The following CDH18 variants were observed in gnomAD, a reference collection of about 807,000 sequenced individuals.
The protein encoded by CDH18 is cadherin 18.
CDH18 carries 31 observed loss-of-function variants against 67.9 expected under a neutral mutation model. The ratio of observed to expected loss-of-function variants is 0.46; its 90% CI spans 0.34 to 0.62. The LOEUF is 0.62. Among genes scored for constraint, CDH18 ranks in the 20% least tolerant of loss-of-function variants. The pLI, the probability that CDH18 is intolerant of heterozygous loss-of-function variation, is 0.01. For synonymous variants in CDH18, 362 were observed against 347.2 expected (o/e 1.04, Z -0.48); for missense variants, 890 against 975.5 (o/e 0.91, Z 1.17).
At position 20,012,372 on chromosome 5, in the gene CDH18, C is replaced by CAAA. The variant is rs374226366; in HGVS notation, c.-517-20361_-517-20359dup. ...AGTCTAGCTATTTTATTATCTTGTT[C>CAAA]AAAAAAAAAAAAAAAAAAACACCAG... On this transcript the variant is annotated intron_variant, in intron 2 of 14. Coordinates refer to the CDH18 transcript ENST00000507958. Among the ~76,000 whole-genome samples the CAAA allele has an allele frequency of 4.5e-3, 517 of 116,008 alleles. 13 individuals are homozygous for CAAA. The highest frequency in any genetic ancestry group is 8.9e-3 in the Middle Eastern group (2 of 224). The allele number at this position is 116,008 out of a possible 152,430, so 76.1% of individuals were successfully genotyped here.
At chr5:20,177,393 T>C (rs959868494) in intron 2 of CDH18, among the ~76,000 whole-genome samples, 1 of 152,184 alleles carries the variant, frequency 6.6e-6, no homozygotes, top group Non-Finnish European at 1.5e-5. Context: ...ATTTAGTTCC[T>C]TTCTATATGA....
chr5:20,314,522 A>G (rs1011892225), intron 1 of CDH18, among the ~76,000 whole-genome samples: 1 of 152,054 alleles, frequency 6.6e-6, no homozygotes, highest in Non-Finnish European at 1.5e-5. Flanking sequence ...TGAAAGAACT[A>G]ACTACTTTGG....
At chr5:19,535,758 T>C (rs532017607) in intron 9 of CDH18, among the ~76,000 whole-genome samples, 5 of 152,188 alleles carry the variant, frequency 3.3e-5, no homozygotes, top group Non-Finnish European at 7.4e-5. Flanking sequence ...GTATACAATA[T>C]GCAATTTTTG....
intron 2 of CDH18, among the ~76,000 whole-genome samples, chr5:20,100,956 A>AT (rs1392873504): frequency 6.6e-6 from 1 of 152,084 alleles, no homozygotes; most frequent in South Asian, 2.1e-4. Flanking sequence ...AATCTGAGGA[A>AT]TTTTTTTCCT....
At chr5:19,774,787 T>C (rs1774133975) in intron 3 of CDH18, among the ~76,000 whole-genome samples, 1 of 100,264 alleles carries the variant, frequency 1.0e-5, no homozygotes, top group Non-Finnish European at 1.9e-5. Context: ...ACAGCCTGAG[T>C]GACAGAGCAA....
At chr5:20,380,606 A>C (rs1743832552) in intron 1 of CDH18, among the ~76,000 whole-genome samples, 1 of 152,168 alleles carries the variant, frequency 6.6e-6, no homozygotes, top group Non-Finnish European at 1.5e-5. Context: ...TTAGGCACAC[A>C]ACAGATAGGT....
chr5:20,199,360 G>T (rs1270385105), intron 2 of CDH18, among the ~76,000 whole-genome samples: 1 of 152,196 alleles, frequency 6.6e-6, no homozygotes, highest in Non-Finnish European at 1.5e-5. Flanking sequence ...TAATGTTTTG[G>T]AAGTTTAGGG....
chr5:19,840,360 G>A (rs1245402207), intron 2 of CDH18, among the ~76,000 whole-genome samples: 2 of 150,992 alleles, frequency 1.3e-5, no homozygotes, highest in African/African-American at 2.4e-5. Flanking sequence ...AGTAAAACAC[G>A]AAAAACATTT....
intron 5 of CDH18, among the ~76,000 whole-genome samples, chr5:19,695,530 G>A (rs1228768827): frequency 1.3e-5 from 2 of 151,738 alleles, no homozygotes; most frequent in South Asian, 2.1e-4. Flanking sequence ...GTTTTTTTTC[G>A]CTTGACATAC....
At chr5:19,880,890 T>G (rs1787571231) in intron 2 of CDH18, among the ~76,000 whole-genome samples, 1 of 152,196 alleles carries the variant, frequency 6.6e-6, no homozygotes. Flanking sequence ...GTCACTTATC[T>G]ATTGTTAATC....
intron 2 of CDH18, among the ~76,000 whole-genome samples, chr5:20,202,232 G>C (rs921863229): frequency 6.6e-6 from 1 of 152,120 alleles, no homozygotes; most frequent in East Asian, 1.9e-4. Context: ...AGGGACACCT[G>C]TAAAAAACTT....
At chr5:19,809,537 A>T (rs1466068019) in intron 3 of CDH18, among the ~76,000 whole-genome samples, 1 of 149,608 alleles carries the variant, frequency 6.7e-6, no homozygotes, top group Non-Finnish European at 1.5e-5. Context: ...ATAAAAAAAA[A>T]TTAGACTATA....
At chr5:20,056,847 C>T (rs1414955087) in intron 2 of CDH18, among the ~76,000 whole-genome samples, 1 of 151,640 alleles carries the variant, frequency 6.6e-6, no homozygotes. Context: ...CCACGCCCGG[C>T]TAATTTCTTT....
chr5:20,314,125 G>A (rs959025677), intron 1 of CDH18, among the ~76,000 whole-genome samples: 3 of 151,862 alleles, frequency 2.0e-5, no homozygotes, highest in African/African-American at 7.2e-5. Flanking sequence ...AAAACCATAG[G>A]TGTCATATAT....
At chr5:19,985,605 T>C (rs922251736) in intron 1 of CDH18, among the ~76,000 whole-genome samples, 1 of 151,988 alleles carries the variant, frequency 6.6e-6, no homozygotes, top group Admixed American at 6.6e-5. Context: ...CCCAGGAGAA[T>C]GATAGAGCTC....
chr5:20,003,120 A>ATAAG (rs1254719106), intron 2 of CDH18, among the ~76,000 whole-genome samples: 36 of 152,200 alleles, frequency 2.4e-4, no homozygotes, highest in African/African-American at 8.2e-4. Flanking sequence ...ATCAGCTGGA[A>ATAAG]CAAGTATACA....
intron 3 of CDH18, among the ~76,000 whole-genome samples, chr5:19,765,355 A>G (rs1006045888): frequency 6.6e-6 from 1 of 151,936 alleles, no homozygotes; most frequent in Non-Finnish European, 1.5e-5. Context: ...ATTTTCCCAG[A>G]AAAAAAGACA....
chr5:20,291,818 C>A (rs1561944266), intron 1 of CDH18, among the ~76,000 whole-genome samples: 1 of 150,376 alleles, frequency 6.6e-6, no homozygotes, highest in East Asian at 1.9e-4. Context: ...TTCCAGGCAC[C>A]CATTGATCCT....
chr5:20,400,152 A>G (rs1045073709), intron 1 of CDH18, among the ~76,000 whole-genome samples: 2 of 152,172 alleles, frequency 1.3e-5, no homozygotes, highest in Non-Finnish European at 2.9e-5. Context: ...AGATCAATAC[A>G]GAAAGCTCTG....
Sources: allele counts gnomAD v4.1 joint callset (sites outside exome capture counted in the v4.1 genomes callset), GRCh38; gene constraint gnomAD v4.1.1; transcripts MANE v1.5; gene names NCBI Gene and HGNC (gene_info 2026-07-23, HGNC 2026-07-21).